GUCY1A1: variants seen among roughly 807,000 people sequenced by gnomAD.
GUCY1A1 encodes guanylate cyclase 1 soluble subunit alpha 1, also known as guanylate cyclase soluble subunit alpha-1.
GUCY1A1 carries 48 observed loss-of-function variants against 64.5 expected under a neutral mutation model. The ratio of observed to expected loss-of-function variants is 0.74; its 90% CI spans 0.59 to 0.95. The LOEUF (loss-of-function observed/expected upper bound fraction) is 0.95. Ranked by LOEUF, GUCY1A1 falls within the 40% of genes least tolerant of loss-of-function variation. The pLI is 0.00. For synonymous variants in GUCY1A1, 308 were observed against 303.4 expected, an observed-to-expected ratio of 1.02 and a Z score of -0.16; for missense variants, 804 against 825.3, an observed-to-expected ratio of 0.97 and a Z score of 0.32.
intron 2 of GUCY1A1, among the ~76,000 whole-genome samples, chr4:155,669,672 C>T (rs1334730527): frequency 1.3e-5 from 2 of 151,930 alleles, no homozygotes; most frequent in Non-Finnish European, 2.9e-5. Context: ...ATTACAAATA[C>T]ATCAGTAAAA....
intron 6 of GUCY1A1, 102 bp from the exon 7 acceptor site, chr4:155,712,996 T>A: frequency 1.0e-6 from 1 of 1,001,834 alleles, no homozygotes; most frequent in Non-Finnish European, 1.5e-6. Context: ...TCAGCAGGTT[T>A]AAACACAAAG....
intron 8 of GUCY1A1, among the ~76,000 whole-genome samples, chr4:155,718,833 A>G (rs907183398): frequency 6.6e-6 from 1 of 152,182 alleles, no homozygotes; most frequent in African/African-American, 2.4e-5. Flanking sequence ...CCCAGAAGAG[A>G]GAGGGCTCAG....
At chr4:155,711,334 T>C (rs1732550903) in intron 6 of GUCY1A1, 83 bp downstream of exon 6, 2 of 683,656 alleles carry the variant, frequency 2.9e-6, no homozygotes, top group African/African-American at 1.8e-5. Context: ...AATATATGCA[T>C]CACTTCAAAT....
chr4:155,700,464 CACCA>C (rs1730936677), intron 3 of GUCY1A1, among the ~76,000 whole-genome samples: 1 of 152,176 alleles, frequency 6.6e-6, no homozygotes, highest in Non-Finnish European at 1.5e-5. Context: ...CCATAAACCA[CACCA>C]ATGATATTTT....
chr4:155,682,543 G>T (rs2126619864), intron 2 of GUCY1A1, among the ~76,000 whole-genome samples: 1 of 152,124 alleles, frequency 6.6e-6, no homozygotes, highest in South Asian at 2.1e-4. Flanking sequence ...GTGGTGGTGT[G>T]TGCCTGTAAT....
intron 2 of GUCY1A1, among the ~76,000 whole-genome samples, chr4:155,685,603 G>GTTTTTTTTTT (rs70954055): frequency 6.4e-5 from 7 of 108,852 alleles, no homozygotes; most frequent in Non-Finnish European, 1.1e-4. Flanking sequence ...TTCTCCTTGT[G>GTTTTTTTTTT]TTTTTTTTTT....
At chr4:155,714,223 A>G (rs994722239) in intron 7 of GUCY1A1, among the ~76,000 whole-genome samples, 1 of 152,246 alleles carries the variant, frequency 6.6e-6, no homozygotes, top group African/African-American at 2.4e-5. Flanking sequence ...GACCAAGTTA[A>G]AAAACCTTTC....
Position 155,730,069 on chromosome 4 carries a change from A to T in GUCY1A1, c.1911A>T (p.Arg637=), listed in dbSNP as rs761503938. ...GTCCTGGTTTCGTGTTTACCCCTCG[A>T]TCAAGGGAGGAACTTCCACCAAACT... ...KDCPGFVFTP[R]SREELPPNFP... The change falls in exon 10 of 10, where the codon CGA becomes CGT. Residue 637 remains arginine, a synonymous_variant. Transcript: ENST00000506455. 5.6e-6 allele frequency: 9 copies of T among 1,610,440 alleles called. No homozygotes were observed. In the Admixed American group the frequency reaches 1.5e-4, roughly 27 times the overall value.
chr4:155,704,086 A>G (rs890682720), intron 4 of GUCY1A1, 93 bp downstream of exon 4: 9 of 721,516 alleles, frequency 1.2e-5, no homozygotes, highest in African/African-American at 1.2e-4. Flanking sequence ...TCAGCCCTTT[A>G]TTGAATCATT....
chr4:155,727,549 A>G (rs1352024526), intron 9 of GUCY1A1, among the ~76,000 whole-genome samples: 1 of 151,888 alleles, frequency 6.6e-6, no homozygotes, highest in Non-Finnish European at 1.5e-5. Flanking sequence ...TTAGTAGGAA[A>G]TGTTGAGTTG....
intron 4 of GUCY1A1, among the ~76,000 whole-genome samples, chr4:155,707,664 T>C (rs1298772046): frequency 6.6e-6 from 1 of 152,196 alleles, no homozygotes; most frequent in African/African-American, 2.4e-5. Flanking sequence ...AAGTTCACTT[T>C]AAAGGTAAAT....
chr4:155,691,986 C>T (rs1729801117), intron 2 of GUCY1A1, among the ~76,000 whole-genome samples: 1 of 152,064 alleles, frequency 6.6e-6, no homozygotes, highest in Non-Finnish European at 1.5e-5. Flanking sequence ...TGTTGTTCCC[C>T]TCTATGTGTC....
At chr4:155,694,264 C>G (rs1336857667) in intron 2 of GUCY1A1, among the ~76,000 whole-genome samples, 1 of 152,096 alleles carries the variant, frequency 6.6e-6, no homozygotes, top group Non-Finnish European at 1.5e-5. Flanking sequence ...GGATCCCAGC[C>G]AGGCACAGTG....
At chr4:155,688,923 G>A (rs914714833) in intron 2 of GUCY1A1, among the ~76,000 whole-genome samples, 3 of 152,004 alleles carry the variant, frequency 2.0e-5, no homozygotes, top group African/African-American at 7.3e-5. Flanking sequence ...TAGTTGGTAG[G>A]AAAGAACTAT....
intron 7 of GUCY1A1, among the ~76,000 whole-genome samples, chr4:155,714,587 T>C (rs1732991611): frequency 6.6e-6 from 1 of 152,250 alleles, no homozygotes; most frequent in South Asian, 2.1e-4. Context: ...TTCTCATTTG[T>C]ATGGCTTGAA....
intron 4 of GUCY1A1, among the ~76,000 whole-genome samples, chr4:155,707,143 G>C (rs1314170697): frequency 6.6e-6 from 1 of 152,144 alleles, no homozygotes; most frequent in Non-Finnish European, 1.5e-5. Context: ...AATTCTATCT[G>C]TATGTAGGTT....
intron 8 of GUCY1A1, among the ~76,000 whole-genome samples, chr4:155,720,564 C>T (rs1733843829): frequency 6.6e-6 from 1 of 152,110 alleles, no homozygotes; most frequent in African/African-American, 2.4e-5. Flanking sequence ...GGAAGCCAGA[C>T]TACCAGTTAC....
chr4:155,699,165 A>G (rs1730780004), intron 3 of GUCY1A1, among the ~76,000 whole-genome samples: 6 of 152,076 alleles, frequency 3.9e-5, no homozygotes, highest in Admixed American at 3.9e-4. Flanking sequence ...TTGAGTATGC[A>G]GTCACCTCTT....
Position 155,717,315 on chromosome 4 carries a change from A to T in GUCY1A1, c.1716+13A>T, listed in dbSNP as rs142083800. On this transcript the variant is annotated intron_variant, in intron 8 of 9. Coordinates refer to ENST00000506455, the MANE Select transcript of GUCY1A1 (RefSeq NM_001130682.3). ...AGAACCTATCAAGGTAAGGCAGATG[A>T]TATATTGTCCAAAAGATGTCACAAG... The T allele has an allele frequency of 7.2e-5, 111 of 1,540,740 alleles. 2 individuals carry two copies. The Admixed American group carries it at 8.2e-4, about 11-fold the overall frequency.
Sources: allele counts gnomAD v4.1 joint callset (sites outside exome capture counted in the v4.1 genomes callset), GRCh38; gene constraint gnomAD v4.1.1; transcripts MANE v1.5; gene names NCBI Gene and HGNC (gene_info 2026-07-23, HGNC 2026-07-21).